Variants in PCCA observed in about 807,000 individuals in gnomAD.
PCCA encodes propionyl-CoA carboxylase subunit alpha.
In PCCA, 74 loss-of-function variants were observed where a neutral mutation model predicts 101.3. The observed-to-expected ratio is 0.73, with a 90% CI of 0.61 to 0.89. PCCA has a LOEUF of 0.89. PCCA is among the 40% of genes least tolerant of loss of function. PCCA has a pLI of 0.00. For synonymous variants in PCCA, 294 were observed against 313.6 expected, an observed-to-expected ratio of 0.94 and a Z score of 0.66; for missense variants, 891 against 907.0, an observed-to-expected ratio of 0.98 and a Z score of 0.23.
intron 16 of PCCA, among the ~76,000 whole-genome samples, chr13:100,310,225 C>T (rs1399350438): frequency 2.0e-5 from 3 of 151,990 alleles, no homozygotes; most frequent in African/African-American, 4.8e-5. Context: ...GTCTTTAGTG[C>T]GTATTTGGGA....
intron 4 of PCCA, among the ~76,000 whole-genome samples, chr13:100,141,375 T>C (rs80032431): frequency 0.017 from 2,588 of 152,222 alleles, 79 homozygotes; most frequent in African/African-American, 0.059. Context: ...TGTGAAACCA[T>C]TTGTACATGT....
chr13:100,418,945 C>T (rs1361323321), intron 19 of PCCA, among the ~76,000 whole-genome samples: 2 of 151,968 alleles, frequency 1.3e-5, no homozygotes, highest in African/African-American at 2.4e-5. Flanking sequence ...AGCCGGCCTC[C>T]CCTTCTCTCT....
intron 4 of PCCA, 142 bp downstream of exon 4, chr13:100,112,203 C>A: frequency 2.6e-3 from 1,532 of 590,824 alleles, no homozygotes; most frequent in East Asian, 3.9e-3. Context: ...TTGTGTTAAG[C>A]AAAACGACAG....
At chr13:100,336,259 T>C (rs747268138) in intron 17 of PCCA, among the ~76,000 whole-genome samples, 1 of 152,058 alleles carries the variant, frequency 6.6e-6, no homozygotes, top group South Asian at 2.1e-4. Flanking sequence ...CAAAACTCTG[T>C]CTCAAGAAAC....
At chr13:100,420,857 AGTG>A (rs1385289987) in intron 19 of PCCA, among the ~76,000 whole-genome samples, 1 of 152,162 alleles carries the variant, frequency 6.6e-6, no homozygotes, top group Non-Finnish European at 1.5e-5. Flanking sequence ...AAAGGTCTGA[AGTG>A]GTTGTTGATT....
chr13:100,235,435 TC>T (rs2060736370), intron 7 of PCCA, among the ~76,000 whole-genome samples: 1 of 152,048 alleles, frequency 6.6e-6, no homozygotes, highest in South Asian at 2.1e-4. Flanking sequence ...GAGAATCAAC[TC>T]CCCCTGCTGA....
chr13:100,210,139 G>A (rs2059120420), intron 7 of PCCA, among the ~76,000 whole-genome samples: 1 of 150,990 alleles, frequency 6.6e-6, no homozygotes, highest in African/African-American at 2.4e-5. Flanking sequence ...CACCACACCT[G>A]ACTAATTATT....
intron 14 of PCCA, among the ~76,000 whole-genome samples, chr13:100,305,182 T>C (rs2066355388): frequency 6.6e-6 from 1 of 152,232 alleles, no homozygotes. Flanking sequence ...TAATTGGGAA[T>C]ACTGATTTGC....
intron 16 of PCCA, among the ~76,000 whole-genome samples, chr13:100,318,639 T>C (rs2067655194): frequency 6.6e-6 from 1 of 152,040 alleles, no homozygotes; most frequent in Non-Finnish European, 1.5e-5. Flanking sequence ...GCTTCATCCA[T>C]GTCCCTACAA....
chr13:100,241,157 T>A (rs887953354), intron 8 of PCCA, among the ~76,000 whole-genome samples: 13 of 152,214 alleles, frequency 8.5e-5, no homozygotes, highest in Admixed American at 6.5e-4. Context: ...TTTGTGTATT[T>A]ACAAGGTTGT....
intron 2 of PCCA, among the ~76,000 whole-genome samples, chr13:100,103,730 G>A (rs55788219): frequency 0.1 from 15,567 of 151,960 alleles, 1,075 homozygotes; most frequent in South Asian, 0.16. Context: ...CCGCCTCCCG[G>A]CTTCAAGAGA....
chr13:100,332,436 C>A (rs1212512250), intron 17 of PCCA, among the ~76,000 whole-genome samples: 2 of 151,962 alleles, frequency 1.3e-5, no homozygotes, highest in African/African-American at 4.8e-5. Context: ...AAACAGTGGG[C>A]AGAAGGAGAA....
At chr13:100,293,076 C>A in intron 12 of PCCA, 4 of 352,236 alleles carry the variant, frequency 1.1e-5, no homozygotes, top group East Asian at 7.9e-5. Context: ...TAGAAAATTC[C>A]CAAATAGAGA....
intron 19 of PCCA, among the ~76,000 whole-genome samples, chr13:100,371,096 G>C (rs1473823386): frequency 1.3e-5 from 2 of 152,120 alleles, no homozygotes; most frequent in South Asian, 2.1e-4. Flanking sequence ...AAAATATATA[G>C]ATTAAACTAA....
chr13:100,258,438 C>T (rs1028537921), intron 9 of PCCA, among the ~76,000 whole-genome samples: 3 of 152,178 alleles, frequency 2.0e-5, no homozygotes, highest in African/African-American at 7.2e-5. Context: ...ATAAAGAAGT[C>T]GAATACAACT....
chr13:100,432,871 C>A (rs1286084180), intron 20 of PCCA, among the ~76,000 whole-genome samples: 1 of 152,190 alleles, frequency 6.6e-6, no homozygotes, highest in Admixed American at 6.5e-5. Context: ...TGGGTACCGC[C>A]TATAAATGAA....
At chr13:100,357,933 G>GT (rs1000063469) in intron 18 of PCCA, among the ~76,000 whole-genome samples, 5 of 152,130 alleles carry the variant, frequency 3.3e-5, no homozygotes, top group Non-Finnish European at 7.4e-5. Flanking sequence ...GGAAATGTGC[G>GT]TAACAAAGAC....
At chr13:100,147,219 C>T (rs963664293) in intron 4 of PCCA, among the ~76,000 whole-genome samples, 17 of 151,376 alleles carry the variant, frequency 1.1e-4, no homozygotes, top group Non-Finnish European at 1.9e-4. Flanking sequence ...GCCTTTAAAA[C>T]GGGGCAGGGA....
chr13:100,096,354 C>T (rs142570397), intron 1 of PCCA, among the ~76,000 whole-genome samples: 22 of 152,266 alleles, frequency 1.4e-4, no homozygotes, highest in African/African-American at 5.1e-4. Flanking sequence ...CCGTGAACCA[C>T]GCCCATATAA....
Sources: allele counts gnomAD v4.1 joint callset (sites outside exome capture counted in the v4.1 genomes callset), GRCh38; gene constraint gnomAD v4.1.1; transcripts MANE v1.5; gene names NCBI Gene and HGNC (gene_info 2026-07-23, HGNC 2026-07-21).